The following NAV2 variants were observed in gnomAD, a reference collection of about 807,000 sequenced individuals.
NAV2 encodes neuron navigator 2.
In NAV2, 54 loss-of-function variants were observed where a neutral mutation model predicts 223.2. The ratio of observed to expected loss-of-function variants is 0.24; its 90% CI spans 0.19 to 0.30. NAV2 has a LOEUF of 0.30. NAV2 is among the 10% of genes least tolerant of loss of function. NAV2 has a pLI of 1.00. For synonymous variants in NAV2, 1,279 were observed against 1,239.3 expected (o/e 1.03, Z -0.67); for missense variants, 2,806 against 3,147.5 (o/e 0.89, Z 2.60).
At chr11:19,727,675 T>C (rs914195574) in intron 1 of NAV2, among the ~76,000 whole-genome samples, 1 of 152,242 alleles carries the variant, frequency 6.6e-6, no homozygotes, top group African/African-American at 2.4e-5. Flanking sequence ...ATTAGGCTGC[T>C]TGATGAAATT....
chr11:20,085,047 G>A (rs905748994), intron 26 of NAV2, among the ~76,000 whole-genome samples: 2 of 136,702 alleles, frequency 1.5e-5, no homozygotes, highest in African/African-American at 5.4e-5. Context: ...TTTTTTAATC[G>A]GTCAGGCATG....
At chr11:19,458,626 A>G (rs986323765) in intron 1 of NAV2, among the ~76,000 whole-genome samples, 2 of 152,220 alleles carry the variant, frequency 1.3e-5, no homozygotes, top group Admixed American at 6.5e-5. Flanking sequence ...AAGGAAACCG[A>G]GGCACAGAGA....
chr11:19,426,795 A>C (rs1308678824), intron 1 of NAV2, among the ~76,000 whole-genome samples: 1 of 152,004 alleles, frequency 6.6e-6, no homozygotes. Context: ...TTGAGGACCT[A>C]TCTGACTCTC....
At chr11:20,103,447 A>G (rs368228728) in intron 33 of NAV2, 38 bp downstream of exon 33, 27 of 1,600,232 alleles carry the variant, frequency 1.7e-5, no homozygotes, top group Non-Finnish European at 2.2e-5. Flanking sequence ...CCCCCGGGAG[A>G]GAGTGCTGCC....
At chr11:19,890,785 G>GCCA (rs1048841158) in intron 5 of NAV2, among the ~76,000 whole-genome samples, 1 of 152,170 alleles carries the variant, frequency 6.6e-6, no homozygotes. Flanking sequence ...GACCTCCTTG[G>GCCA]CCAGATGTGC....
chr11:19,975,089 G>A (rs1381498851), intron 10 of NAV2, among the ~76,000 whole-genome samples: 1 of 152,204 alleles, frequency 6.6e-6, no homozygotes, highest in Non-Finnish European at 1.5e-5. Context: ...ACTGTCTCTT[G>A]TGTGTTAGGA....
intron 1 of NAV2, among the ~76,000 whole-genome samples, chr11:19,363,060 C>T (rs1854049725): frequency 1.3e-5 from 2 of 152,124 alleles, no homozygotes; most frequent in Non-Finnish European, 2.9e-5. Context: ...TATACACGTG[C>T]CATGCTGGTT....
chr11:19,354,774 C>A lies in NAV2; in HGVS notation c.75+3747C>A, dbSNP rs187995191. On this transcript the variant is annotated intron_variant, in intron 1 of 37. Transcript: ENST00000360655. ...TTAGCTGGTATAAGGGGATGTCTCC[C>A]TGAGGAGGTGTCTTCTGAGCAGAGA... 2.0e-5 allele frequency among the ~76,000 whole-genome samples: 3 copies of A among 152,300 alleles called. No individual in the cohort carries two copies. In the East Asian group the frequency reaches 5.8e-4, roughly 29 times the overall value.
chr11:19,571,055 T>C (rs1229586808), intron 1 of NAV2, among the ~76,000 whole-genome samples: 2 of 152,198 alleles, frequency 1.3e-5, no homozygotes, highest in African/African-American at 2.4e-5. Flanking sequence ...AACAGATTAA[T>C]AGATAAACAA....
intron 1 of NAV2, among the ~76,000 whole-genome samples, chr11:19,475,399 A>G (rs1429242235): frequency 3.3e-5 from 5 of 152,220 alleles, no homozygotes; most frequent in African/African-American, 1.2e-4. Flanking sequence ...GGAGCTGCTG[A>G]ATTAAATTAA....
intron 1 of NAV2, among the ~76,000 whole-genome samples, chr11:19,707,834 C>T (rs1318421017): frequency 1.3e-5 from 2 of 152,180 alleles, no homozygotes; most frequent in Non-Finnish European, 2.9e-5. Flanking sequence ...GTTATGACTG[C>T]CACTATGTTA....
rs764839937 is a variant in NAV2, at chr11:20,051,341, T to G, written c.4481+8T>G. Reference sequence around the variant, plus strand: ...GCCTAAGAAAGGACTCAGGTATCTGTGTTTCCTCCTTGCATCTGTGCCATC... The same window carrying G: ...GCCTAAGAAAGGACTCAGGTATCTGGGTTTCCTCCTTGCATCTGTGCCATC... On this transcript the variant is annotated splice_region_variant and intron_variant, in intron 17 of 37. Transcript: ENST00000349880. 1 of 1,613,684 alleles carries G rather than the reference T, an allele frequency of 6.2e-7. No homozygotes were observed. Among genetic ancestry groups the G allele is most frequent in the South Asian group, 1.1e-5 (1 of 91,070 alleles).
intron 1 of NAV2, among the ~76,000 whole-genome samples, chr11:19,383,543 G>A (rs906062975): frequency 3.3e-5 from 5 of 152,146 alleles, no homozygotes; most frequent in African/African-American, 9.7e-5. Context: ...CTTAGTCTGC[G>A]TCTCTACCAC....
At chr11:19,703,359 A>G (rs1178017811) in intron 1 of NAV2, among the ~76,000 whole-genome samples, 1 of 152,220 alleles carries the variant, frequency 6.6e-6, no homozygotes, top group East Asian at 1.9e-4. Flanking sequence ...ACCAGGCTCC[A>G]TGCCTGGGGC....
At chr11:19,480,123 C>T (rs1213401712) in intron 1 of NAV2, among the ~76,000 whole-genome samples, 3 of 152,040 alleles carry the variant, frequency 2.0e-5, no homozygotes, top group South Asian at 4.1e-4. Flanking sequence ...AGAAAAAAAG[C>T]ATTGTCAATT....
At chr11:19,555,280 T>C (rs1217009571) in intron 1 of NAV2, among the ~76,000 whole-genome samples, 1 of 152,176 alleles carries the variant, frequency 6.6e-6, no homozygotes, top group Non-Finnish European at 1.5e-5. Context: ...GGTCTGGGGC[T>C]GGGAAGAGCT....
In NAV2 at chr11:20,068,166, C is replaced by T; in HGVS notation, c.4885-20C>T. 3.1e-6 allele frequency: 5 copies of T among 1,613,168 alleles called. No individual in the cohort carries two copies. The highest frequency in any genetic ancestry group is 4.2e-6 in the Non-Finnish European group (5 of 1,179,194). On this transcript the variant is annotated intron_variant, in intron 20 of 37. Coordinates refer to ENST00000349880, the MANE Select transcript of NAV2 (RefSeq NM_145117.5). The stretch of plus-strand genomic sequence containing the variant: ...CTTTGTTCCTTAACTGGTCTAATTT[C>T]CTTTATGTTTTCTTTACAGCCAGAA...
intron 1 of NAV2, among the ~76,000 whole-genome samples, chr11:19,363,584 T>C (rs1854087117): frequency 6.6e-6 from 1 of 152,236 alleles, no homozygotes; most frequent in Admixed American, 6.5e-5. Flanking sequence ...ATGTGGGTTG[T>C]TCTTTTCCTA....
At chr11:19,421,391 G>A (rs891228260) in intron 1 of NAV2, among the ~76,000 whole-genome samples, 9 of 152,098 alleles carry the variant, frequency 5.9e-5, no homozygotes, top group African/African-American at 1.9e-4. Context: ...CTGGGGGAAG[G>A]GCCGAGACTC....
Sources: gnomAD v4.1 joint callset for allele counts (sites outside exome capture counted in the v4.1 genomes callset) on GRCh38, gnomAD v4.1.1 for gene constraint, MANE v1.5 for transcripts, NCBI Gene and HGNC (gene_info 2026-07-23, HGNC 2026-07-21) for gene names.